PTPRD: variants seen among roughly 807,000 people sequenced by gnomAD.
PTPRD encodes protein tyrosine phosphatase receptor type D.
Under a neutral mutation model 214.5 loss-of-function variants are expected in PTPRD, and 34 were observed. The ratio of observed to expected loss-of-function variants is 0.16; its 90% CI spans 0.12 to 0.21. The LOEUF is 0.21. Ranked by LOEUF, PTPRD falls within the 10% of genes least tolerant of loss-of-function variation. PTPRD has a pLI of 1.00. For synonymous variants in PTPRD, 1,128 were observed against 845.7 expected, an observed-to-expected ratio of 1.33 and a Z score of -5.79; for missense variants, 2,545 against 2,398.7, an observed-to-expected ratio of 1.06 and a Z score of -1.27.
At chr9:10,033,656 C>G (rs916850409) in intron 4 of PTPRD, 62 bp downstream of exon 4, 1 of 151,922 alleles carries the variant, frequency 6.6e-6, no homozygotes, top group African/African-American at 2.4e-5. Flanking sequence ...TACCTTACAG[C>G]CAAGCCAAAG....
intron 2 of PTPRD, among the ~76,000 whole-genome samples, chr9:10,524,834 A>G (rs2053714814): frequency 6.6e-6 from 1 of 152,100 alleles, no homozygotes; most frequent in Non-Finnish European, 1.5e-5. Flanking sequence ...ACATTGTAAA[A>G]GAAGGTACCT....
At chr9:10,218,917 A>G (rs1362051266) in intron 3 of PTPRD, among the ~76,000 whole-genome samples, 1 of 151,862 alleles carries the variant, frequency 6.6e-6, no homozygotes, top group Non-Finnish European at 1.5e-5. Context: ...TGGTAAGAAT[A>G]CTGCATATGA....
In PTPRD at chr9:9,343,695, A is replaced by G. The variant is rs963146457; in HGVS notation, c.-203+53754T>C. Among the ~76,000 whole-genome samples the G allele has an allele frequency of 2.0e-5, 3 of 152,114 alleles. No individual in the cohort carries two copies. In the East Asian group the frequency reaches 5.8e-4, roughly 29 times the overall value. ...CAAGCAGTGCTATGAAAAATGTTTC[A>G]TTCGAAAATCACAAACAGGAGGGAA... On this transcript the variant is annotated intron_variant, in intron 9 of 45. Coordinates refer to ENST00000381196, the MANE Select transcript of PTPRD (RefSeq NM_002839.4).
In PTPRD at chr9:10,143,564, T is replaced by C. The variant is rs180828236; in HGVS notation, c.-544-109774A>G. Among the ~76,000 whole-genome samples the C allele has an allele frequency of 2.4e-3, 339 of 140,502 alleles. 3 individuals are homozygous for C. Among genetic ancestry groups the C allele is most frequent in the South Asian group, 7.5e-3 (29 of 3,880 alleles). 92.2% of individuals were successfully genotyped at this position (140,502 alleles called of 152,430 possible). ...CCCAGCAATTCCATTACTGGGTATA[T>C]ACATAAAGAAAAAAAATTGTATCAA... is the stretch of plus-strand genomic sequence containing the variant. On this transcript the variant is annotated intron_variant, in intron 3 of 45. Coordinates refer to ENST00000381196, the MANE Select transcript of PTPRD (RefSeq NM_002839.4).
At chr9:8,599,530 AAC>A (rs2094686811) in intron 14 of PTPRD, among the ~76,000 whole-genome samples, 1 of 152,118 alleles carries the variant, frequency 6.6e-6, no homozygotes, top group Admixed American at 6.5e-5. Context: ...AAAGTTACAA[AAC>A]ACAAAATTCA....
At chr9:9,849,242 G>C (rs2060102219) in intron 5 of PTPRD, among the ~76,000 whole-genome samples, 2 of 151,990 alleles carry the variant, frequency 1.3e-5, no homozygotes, top group African/African-American at 4.8e-5. Flanking sequence ...GCTGTAGAGA[G>C]AGAATGTACA....
chr9:9,009,001 A>G (rs528345176), intron 11 of PTPRD, among the ~76,000 whole-genome samples: 4 of 152,288 alleles, frequency 2.6e-5, no homozygotes, highest in African/African-American at 7.2e-5. Flanking sequence ...AGTGTTTGGC[A>G]TAACAGCTTC....
intron 9 of PTPRD, among the ~76,000 whole-genome samples, chr9:9,283,628 T>C (rs1018292349): frequency 1.3e-5 from 2 of 151,512 alleles, no homozygotes; most frequent in African/African-American, 2.4e-5. Flanking sequence ...CTCATGACCA[T>C]TTGGTTCAAT....
intron 5 of PTPRD, among the ~76,000 whole-genome samples, chr9:9,935,400 A>G (rs894366223): frequency 1.4e-4 from 21 of 152,240 alleles, no homozygotes; most frequent in Admixed American, 3.9e-4. Context: ...AAATCAATGT[A>G]CAAAAATCAC....
Position 10,163,975 on chromosome 9 carries a change from T to C in PTPRD, c.-544-130185A>G, listed in dbSNP as rs58326958. Among the ~76,000 whole-genome samples, 843 of 151,570 alleles carry C rather than the reference T, an allele frequency of 5.6e-3. 7 individuals are homozygous for C. The highest frequency in any genetic ancestry group is 0.02 in the African/African-American group (810 of 41,506). On this transcript the variant is annotated intron_variant, in intron 3 of 45. Coordinates refer to ENST00000381196, the MANE Select transcript of PTPRD (RefSeq NM_002839.4). Reference sequence around the variant, plus strand: ...AAGTAAATGTGTATTGTAGTCTATATGGCAATGAACTATTTTTAACACACA... The same window carrying C: ...AAGTAAATGTGTATTGTAGTCTATACGGCAATGAACTATTTTTAACACACA...
At chr9:9,347,712 A>G (rs1357037856) in intron 9 of PTPRD, among the ~76,000 whole-genome samples, 1 of 152,184 alleles carries the variant, frequency 6.6e-6, no homozygotes, top group Non-Finnish European at 1.5e-5. Context: ...GTACATCTAC[A>G]TTCCACTAAT....
At chr9:9,960,162 A>G (rs2094252250) in intron 4 of PTPRD, among the ~76,000 whole-genome samples, 1 of 151,882 alleles carries the variant, frequency 6.6e-6, no homozygotes, top group African/African-American at 2.4e-5. Flanking sequence ...GAATGCAAGG[A>G]CATATTCAAA....
chr9:8,427,156 C>A (rs77127797), intron 35 of PTPRD, among the ~76,000 whole-genome samples: 1 of 152,214 alleles, frequency 6.6e-6, no homozygotes, highest in East Asian at 1.9e-4. Flanking sequence ...GCTATAAAAG[C>A]GGCTCAGGGA....
intron 2 of PTPRD, among the ~76,000 whole-genome samples, chr9:10,373,483 C>A (rs868522480): frequency 1.3e-5 from 2 of 152,098 alleles, no homozygotes; most frequent in Non-Finnish European, 2.9e-5. Context: ...TTAATTGAAT[C>A]ATCACCTTGT....
In PTPRD at chr9:10,206,813, G is replaced by C. The variant is rs377611398; in HGVS notation, c.-545+134150C>G. On this transcript the variant is annotated intron_variant, in intron 3 of 45. Coordinates refer to ENST00000381196, the MANE Select transcript of PTPRD (RefSeq NM_002839.4). ...CTTATAAATCATTAGTAGCTACATA[G>C]ATTTTGAAAAAGTAACAGGAATAGA... Among the ~76,000 whole-genome samples, 71 of 152,204 alleles carry C rather than the reference G, an allele frequency of 4.7e-4. 3 individuals carry two copies. The South Asian group carries it at 0.014, about 30-fold the overall frequency.
intron 11 of PTPRD, among the ~76,000 whole-genome samples, chr9:8,868,877 C>A (rs1401690196): frequency 6.6e-6 from 1 of 152,128 alleles, no homozygotes; most frequent in Non-Finnish European, 1.5e-5. Flanking sequence ...TATGCACTAT[C>A]AAGTCATTCT....
At chr9:10,273,701 T>G (rs2094534612) in intron 3 of PTPRD, among the ~76,000 whole-genome samples, 1 of 152,148 alleles carries the variant, frequency 6.6e-6, no homozygotes, top group Admixed American at 6.5e-5. Flanking sequence ...TGCACTAAGC[T>G]GTCAGAAAAA....
chr9:8,556,399 C>T (rs1409962262), intron 14 of PTPRD, among the ~76,000 whole-genome samples: 9 of 152,116 alleles, frequency 5.9e-5, no homozygotes, highest in Non-Finnish European at 1.2e-4. Flanking sequence ...TATACACTAA[C>T]AACAACAAAA....
At chr9:8,826,245 C>CT (rs2097172812) in intron 11 of PTPRD, among the ~76,000 whole-genome samples, 1 of 151,454 alleles carries the variant, frequency 6.6e-6, no homozygotes, top group Admixed American at 6.6e-5. Flanking sequence ...AATGGCCTTC[C>CT]TATTTCTACT....
Sources: gnomAD v4.1 joint callset for allele counts (sites outside exome capture counted in the v4.1 genomes callset) on GRCh38, gnomAD v4.1.1 for gene constraint, MANE v1.5 for transcripts, NCBI Gene and HGNC (gene_info 2026-07-23, HGNC 2026-07-21) for gene names.